Variants in NRIP1 observed in about 807,000 individuals in gnomAD.
NRIP1 encodes nuclear receptor interacting protein 1.
In NRIP1, 28 loss-of-function variants were observed where a neutral mutation model predicts 75.0. The observed-to-expected ratio is 0.37, with a 90% CI of 0.28 to 0.51. The LOEUF (loss-of-function observed/expected upper bound fraction) is 0.51, where lower values mean the gene tolerates loss of function less well. Among genes scored for constraint, NRIP1 ranks in the 20% least tolerant of loss-of-function variants. The probability of loss-of-function intolerance (pLI) is 0.92; values close to 1 mark genes in which losing one functional copy is unlikely to be tolerated. For missense variants in NRIP1, 1,435 were observed against 1,343.7 expected, an observed-to-expected ratio of 1.07 and a Z score of -1.06; for synonymous variants, 526 against 487.6, an observed-to-expected ratio of 1.08 and a Z score of -1.04.
In NRIP1 at chr21:15,064,672, C is replaced by G. The variant is rs1388799863; in HGVS notation, c.-538+73G>C. On this transcript the variant is annotated intron_variant, in intron 1 of 3. Transcript: ENST00000318948. Reference sequence around the variant, plus strand: ...CCAGCCAAGCGAGAGCCGACGCGGGCCGCGCTCCCGGGCCGTTTCCGGCGG... The same window carrying G: ...CCAGCCAAGCGAGAGCCGACGCGGGGCGCGCTCCCGGGCCGTTTCCGGCGG... The G allele has an allele frequency of 2.6e-5, 4 of 151,094 alleles. No homozygotes were observed. In the East Asian group the frequency reaches 5.8e-4, roughly 22 times the overall value. 9.4% of individuals were successfully genotyped at this position (151,094 alleles called of 1,614,324 possible).
chr21:15,006,524 A>G lies in NRIP1; in HGVS notation c.-335+7820T>C, dbSNP rs144359934. On this transcript the variant is annotated intron_variant, in intron 3 of 3. Transcript: ENST00000318948. ...TGCTAAAATCAGTGTGTCTCCATCT[A>G]TAACATGCTGGTTTGTCATCATCAG... 4.6e-3 allele frequency among the ~76,000 whole-genome samples: 696 copies of G among 152,346 alleles called. 4 individuals are homozygous for G. The highest frequency in any genetic ancestry group is 6.8e-3 in the Middle Eastern group (2 of 294).
chr21:14,966,548 T>C lies in NRIP1; in HGVS notation c.1645A>G (p.Thr549Ala). 6.2e-7 allele frequency: 1 copy of C among 1,614,068 alleles called. No individual in the cohort carries two copies. The highest frequency in any genetic ancestry group is 1.6e-4 in the Middle Eastern group (1 of 6,062). ...AGTAAAGGTGGAGTGCTCACTGGAG[T>C]AGTCCGATTTGTACTGGGGCTTTCT... ...VIESPSTNRT[T>A]PVSTPPLLTS... is the part of the protein sequence containing the mutation. Residue 549 changes from threonine to alanine, a missense_variant, in exon 4 of 4, where the codon ACT becomes GCT. Physicochemically the swap from Thr to Ala is moderately conservative, Grantham distance 58. Coordinates refer to ENST00000318948, the MANE Select transcript of NRIP1 (RefSeq NM_003489.4).
At position 14,964,125 on chromosome 21, in the gene NRIP1, GAC is replaced by G. The variant is rs1026433375; in HGVS notation, c.*589_*590del. 5 of 152,346 alleles carry G rather than the reference GAC, an allele frequency of 3.3e-5. No individual in the cohort carries two copies. Among genetic ancestry groups the G allele is most frequent in the Non-Finnish European group, 7.4e-5 (5 of 67,966 alleles). 9.4% of individuals were successfully genotyped at this position (152,346 alleles called of 1,614,324 possible). On this transcript the variant is annotated 3_prime_UTR_variant, in exon 4 of 4. Transcript: ENST00000318948. ...TATTGAAAAGGATCAGGGTGGGACA[GAC>G]ACATTGGGAACCACAAAACCTCTTC...
chr21:15,049,458 A>G (rs1180926712), intron 1 of NRIP1, among the ~76,000 whole-genome samples: 2 of 152,118 alleles, frequency 1.3e-5, no homozygotes, highest in African/African-American at 2.4e-5. Flanking sequence ...TAACCCTACA[A>G]ATTATTTCCC....
chr21:14,995,303 A>T (rs1479252958), intron 3 of NRIP1, among the ~76,000 whole-genome samples: 1 of 152,196 alleles, frequency 6.6e-6, no homozygotes, highest in African/African-American at 2.4e-5. Flanking sequence ...TTTACAAAAG[A>T]GGGAGAAGGA....
chr21:15,019,985 A>C (rs998257858), intron 2 of NRIP1, among the ~76,000 whole-genome samples: 2 of 152,190 alleles, frequency 1.3e-5, no homozygotes, highest in African/African-American at 2.4e-5. Context: ...GAGGGAAATT[A>C]AAGAAGACTT....
At chr21:15,010,376 C>T (rs2088073734) in intron 3 of NRIP1, among the ~76,000 whole-genome samples, 2 of 149,814 alleles carry the variant, frequency 1.3e-5, no homozygotes, top group African/African-American at 4.9e-5. Context: ...TGAAACCTTT[C>T]ATGGAAAAGG....
At chr21:14,999,432 GT>G (rs1484559137) in intron 3 of NRIP1, among the ~76,000 whole-genome samples, 1 of 152,008 alleles carries the variant, frequency 6.6e-6, no homozygotes, top group Non-Finnish European at 1.5e-5. Context: ...TTTGATTTAT[GT>G]TCTATTTGGT....
chr21:15,044,626 C>T (rs1417772603), intron 1 of NRIP1, among the ~76,000 whole-genome samples: 1 of 152,132 alleles, frequency 6.6e-6, no homozygotes, highest in African/African-American at 2.4e-5. Flanking sequence ...TCAGTTCTCA[C>T]AGATTATAGC....
At chr21:15,013,986 T>A (rs1322571137) in intron 3 of NRIP1, among the ~76,000 whole-genome samples, 2 of 152,224 alleles carry the variant, frequency 1.3e-5, no homozygotes, top group African/African-American at 4.8e-5. Context: ...TCGAATTAAG[T>A]GTTGTCAACA....
intron 3 of NRIP1, among the ~76,000 whole-genome samples, chr21:15,000,350 A>G (rs1035575506): frequency 2.0e-5 from 3 of 152,176 alleles, no homozygotes; most frequent in Non-Finnish European, 2.9e-5. Context: ...TCATGTGTTC[A>G]ACAAATGTTT....
chr21:14,989,284 A>G (rs967626345), intron 3 of NRIP1, among the ~76,000 whole-genome samples: 2 of 152,202 alleles, frequency 1.3e-5, no homozygotes, highest in Non-Finnish European at 2.9e-5. Flanking sequence ...GAAAGCTAAC[A>G]GCACAAAGAG....
At chr21:14,992,157 C>T (rs750463523) in intron 3 of NRIP1, 1 of 152,524 alleles carries the variant, frequency 6.6e-6, no homozygotes. Context: ...CCCACCTCAG[C>T]CTCCGGAATA....
rs553931766 is a variant in NRIP1, at chr21:14,992,908, T to C, written c.-335+21436A>G. The C allele has an allele frequency of 2.0e-5, 3 of 153,046 alleles. No homozygotes were observed. In the South Asian group the frequency reaches 6.2e-4, roughly 32 times the overall value. The allele number at this position is 153,046 out of a possible 1,614,324, so 9.5% of individuals were successfully genotyped here. The stretch of plus-strand genomic sequence containing the variant: ...ACATACACATACAAACATTAAAATC[T>C]AAATATCAGAACAACTAAATAAAAA... On this transcript the variant is annotated intron_variant, in intron 3 of 3. Transcript: ENST00000318948.
At chr21:14,975,680 A>G (rs969089622) in intron 3 of NRIP1, among the ~76,000 whole-genome samples, 5 of 140,056 alleles carry the variant, frequency 3.6e-5, no homozygotes, top group African/African-American at 9.3e-5. Context: ...AGAAAGAAAG[A>G]AAGGGAGGGG....
intron 3 of NRIP1, chr21:14,991,231 T>G (rs890516369): frequency 2.6e-5 from 4 of 151,140 alleles, no homozygotes; most frequent in African/African-American, 9.8e-5. Flanking sequence ...AACATGCCTC[T>G]TCTTATTAAC....
chr21:14,970,578 T>C lies in NRIP1; in HGVS notation c.-334-2052A>G, dbSNP rs921659140. On this transcript the variant is annotated intron_variant, in intron 3 of 3. Transcript: ENST00000318948. ...ACAAAACAAAAATAACAACTGCTAA[T>C]ATACAATTAATTCTCAACTAGTTAA... is the stretch of plus-strand genomic sequence containing the variant. 2.0e-5 allele frequency among the ~76,000 whole-genome samples: 3 copies of C among 150,354 alleles called. No homozygotes were observed. In the Admixed American group the frequency reaches 2.0e-4, roughly 10 times the overall value.
intron 2 of NRIP1, among the ~76,000 whole-genome samples, chr21:15,017,928 A>G (rs927062420): frequency 4.6e-5 from 7 of 152,228 alleles, no homozygotes; most frequent in Non-Finnish European, 8.8e-5. Context: ...ATGACCACAC[A>G]AAAGATAAAT....
Position 14,968,321 on chromosome 21 carries a change from G to A in NRIP1, c.-129C>T, listed in dbSNP as rs552998884. 2.4e-5 allele frequency: 16 copies of A among 658,156 alleles called. No homozygotes were observed. The highest frequency in any genetic ancestry group is 8.9e-5 in the Admixed American group (3 of 33,616). 40.8% of individuals were successfully genotyped at this position (658,156 alleles called of 1,614,324 possible). A position where few individuals can be genotyped will look rare whatever the true frequency, so the allele number is the denominator to read the frequency against. The stretch of plus-strand genomic sequence containing the variant: ...CCTTCCATCGCAATCAGAGAGAGAC[G>A]TACTGTTACATTCTGTCCAAGATTT... On this transcript the variant is annotated 5_prime_UTR_variant, in exon 4 of 4. It adds an upstream start codon to the 5' untranslated region. Transcript: ENST00000318948.
Sources: allele counts gnomAD v4.1 joint callset (sites outside exome capture counted in the v4.1 genomes callset), GRCh38; gene constraint gnomAD v4.1.1; transcripts MANE v1.5; gene names NCBI Gene and HGNC (gene_info 2026-07-23, HGNC 2026-07-21).